GADL1: variants seen among roughly 807,000 people sequenced by gnomAD.
The protein encoded by GADL1 is GAD like acidic amino acid decarboxylase 1, also known as acidic amino acid decarboxylase GADL1.
In GADL1, 71 loss-of-function variants were observed where a neutral mutation model predicts 69.5. That is an observed-to-expected ratio of 1.02 (90% confidence interval 0.84 to 1.25). The LOEUF is 1.25. GADL1 is among the 50% of genes most tolerant of loss of function. The pLI is 0.00. For missense variants in GADL1, 737 were observed against 631.8 expected (o/e 1.17, Z -1.79); for synonymous variants, 254 against 214.4 (o/e 1.18, Z -1.62).
intron 13 of GADL1, among the ~76,000 whole-genome samples, chr3:30,783,741 C>T (rs1293592909): frequency 6.6e-6 from 1 of 152,098 alleles, no homozygotes; most frequent in East Asian, 1.9e-4. Flanking sequence ...GCTTGTGGGC[C>T]AGCTGGCTCC....
chr3:30,877,216 A>G (rs1360826919), intron 1 of GADL1, among the ~76,000 whole-genome samples: 1 of 151,898 alleles, frequency 6.6e-6, no homozygotes, highest in Non-Finnish European at 1.5e-5. Flanking sequence ...ATTATGATCA[A>G]TTGTAACATC....
At chr3:30,872,096 C>G (rs1341765601) in intron 1 of GADL1, among the ~76,000 whole-genome samples, 1 of 151,928 alleles carries the variant, frequency 6.6e-6, no homozygotes, top group Non-Finnish European at 1.5e-5. Context: ...CCTCCACCCA[C>G]CAAACCATTT....
At chr3:30,894,499 C>A in intron 1 of GADL1, 79 bp downstream of exon 1, 1 of 1,183,530 alleles carries the variant, frequency 8.4e-7, no homozygotes, top group Non-Finnish European at 1.2e-6. Flanking sequence ...AACTTCTAGT[C>A]CCCAGGTCAA....
At chr3:30,886,121 T>C (rs111753265) in intron 1 of GADL1, among the ~76,000 whole-genome samples, 33 of 152,288 alleles carry the variant, frequency 2.2e-4, no homozygotes, top group Non-Finnish European at 4.3e-4. Flanking sequence ...AAATTACTAA[T>C]ATTTGAACTA....
intron 14 of GADL1, among the ~76,000 whole-genome samples, chr3:30,736,011 C>T (rs1327188227): frequency 6.6e-6 from 1 of 152,006 alleles, no homozygotes; most frequent in Non-Finnish European, 1.5e-5. Context: ...TTTCAGTTTT[C>T]CTTTTACATT....
chr3:30,861,903 G>A (rs1483802234), intron 1 of GADL1, 138 bp from the exon 2 acceptor site: 2 of 603,208 alleles, frequency 3.3e-6, no homozygotes, highest in African/African-American at 3.8e-5. Context: ...GAGGTGTTGA[G>A]CTGACAATTT....
chr3:30,826,676 T>C (rs1317493712), intron 11 of GADL1, among the ~76,000 whole-genome samples: 2 of 151,754 alleles, frequency 1.3e-5, no homozygotes, highest in Middle Eastern at 6.8e-3. Flanking sequence ...AGATTGTGAA[T>C]GTCATTCTGT....
At chr3:30,758,416 C>CTTT (rs3042995) in intron 14 of GADL1, among the ~76,000 whole-genome samples, 129,255 of 151,948 alleles carry the variant, frequency 0.85, 55,447 homozygotes, top group African/African-American at 0.93. Context: ...TGCCTTTTAT[C>CTTT]TTTCCCGTCT....
rs78835044 is a variant in GADL1 at position 30,738,632 on chromosome 3, G to A, written c.1393-10217C>T. Among the ~76,000 whole-genome samples, 186 of 152,290 alleles carry A rather than the reference G, an allele frequency of 1.2e-3. 6 individuals are homozygous for A. The East Asian group carries it at 0.034, about 28-fold the overall frequency. ...GAGTATCACTCCATCTGAGAGGAGA[G>A]AATGAGTACAATCCCAGGTTCTTCT... On this transcript the variant is annotated intron_variant, in intron 14 of 14. Coordinates refer to ENST00000282538, the MANE Select transcript of GADL1 (RefSeq NM_207359.3).
At chr3:30,772,304 A>G (rs1035787830) in intron 14 of GADL1, among the ~76,000 whole-genome samples, 1 of 152,186 alleles carries the variant, frequency 6.6e-6, no homozygotes, top group Admixed American at 6.5e-5. Flanking sequence ...ATACGAAAAG[A>G]CAGCTTGTTA....
At position 30,811,342 on chromosome 3, in the gene GADL1, G is replaced by T. The variant is rs183279426; in HGVS notation, c.1051-10254C>A. Among the ~76,000 whole-genome samples the T allele has an allele frequency of 2.9e-3, 439 of 152,270 alleles. 1 individual carries two copies. Among genetic ancestry groups the T allele is most frequent in the Non-Finnish European group, 4.6e-3 (311 of 68,020 alleles). ...TCAGTTTCTTAGAGAATGTGTAAGT[G>T]CCTCTATAAATAGTTAAGAAACATT... On this transcript the variant is annotated intron_variant, in intron 11 of 14. Transcript: ENST00000282538.
In GADL1 at chr3:30,776,085, G is replaced by GA. The variant is rs1553638159; in HGVS notation, c.1392+2093dup. On this transcript the variant is annotated intron_variant, in intron 14 of 14. Transcript: ENST00000282538. The stretch of plus-strand genomic sequence containing the variant: ...TGGGCGACAGCAAGACTCCGTCTTG[G>GA]AAAAAAAAAATGCATTATATTCTGT... Among the ~76,000 whole-genome samples, 354 of 148,076 alleles carry GA rather than the reference G, an allele frequency of 2.4e-3. No homozygotes were observed. The Middle Eastern group carries it at 0.031, about 13-fold the overall frequency.
intron 14 of GADL1, among the ~76,000 whole-genome samples, chr3:30,736,204 C>A (rs1695539436): frequency 6.6e-6 from 1 of 152,000 alleles, no homozygotes; most frequent in African/African-American, 2.4e-5. Flanking sequence ...CAATAACACC[C>A]CTTTTCATGG....
intron 1 of GADL1, among the ~76,000 whole-genome samples, chr3:30,880,597 C>G (rs1350208226): frequency 6.6e-6 from 1 of 151,914 alleles, no homozygotes; most frequent in Admixed American, 6.6e-5. Context: ...CATTAAACCT[C>G]TTTCTTTTAT....
At chr3:30,803,617 T>G (rs550957400) in intron 11 of GADL1, among the ~76,000 whole-genome samples, 2 of 152,304 alleles carry the variant, frequency 1.3e-5, no homozygotes, top group South Asian at 4.1e-4. Context: ...AATAGCAGAA[T>G]AAACAATTGT....
intron 14 of GADL1, among the ~76,000 whole-genome samples, chr3:30,753,280 T>A (rs921237949): frequency 7.2e-5 from 11 of 152,070 alleles, no homozygotes; most frequent in Non-Finnish European, 1.6e-4. Flanking sequence ...CACAATAGTA[T>A]GTTTTCTGAC....
intron 1 of GADL1, among the ~76,000 whole-genome samples, chr3:30,880,241 G>C (rs1177560980): frequency 6.6e-6 from 1 of 151,852 alleles, no homozygotes; most frequent in Non-Finnish European, 1.5e-5. Context: ...ATTGCATTAA[G>C]TATTGTAAGT....
chr3:30,756,111 G>A (rs1039979095), intron 14 of GADL1, among the ~76,000 whole-genome samples: 3 of 152,174 alleles, frequency 2.0e-5, no homozygotes, highest in Admixed American at 6.5e-5. Flanking sequence ...CAGCAGCAGA[G>A]ATGAAATGAC....
At chr3:30,855,184 A>G (rs1243259046) in intron 3 of GADL1, among the ~76,000 whole-genome samples, 1 of 152,134 alleles carries the variant, frequency 6.6e-6, no homozygotes, top group East Asian at 1.9e-4. Context: ...GATCATGCGC[A>G]AGGAAAAACA....
Sources: gnomAD v4.1 joint callset for allele counts (sites outside exome capture counted in the v4.1 genomes callset) on GRCh38, gnomAD v4.1.1 for gene constraint, MANE v1.5 for transcripts, NCBI Gene and HGNC (gene_info 2026-07-23, HGNC 2026-07-21) for gene names.